The following ITGAE variants were observed in gnomAD, a reference collection of about 807,000 sequenced individuals.
The protein encoded by ITGAE is integrin subunit alpha E, also known as integrin alpha-E.
Under a neutral mutation model 136.5 loss-of-function variants are expected in ITGAE, and 99 were observed. That is an observed-to-expected ratio of 0.73 (90% CI 0.62 to 0.86). The LOEUF is 0.86. ITGAE is among the 40% of genes least tolerant of loss of function. The pLI, the probability that ITGAE is intolerant of heterozygous loss-of-function variation, is 0.00. For missense variants in ITGAE, 1,447 were observed against 1,515.3 expected (o/e 0.95, Z 0.75); for synonymous variants, 613 against 591.8 (o/e 1.04, Z -0.52).
At chr17:3,754,349 G>A (rs2051948490) in intron 12 of ITGAE, among the ~76,000 whole-genome samples, 1 of 152,234 alleles carries the variant, frequency 6.6e-6, no homozygotes, top group South Asian at 2.1e-4. Context: ...TTGGCTCATT[G>A]CAACCTCCCC....
Position 3,748,066 on chromosome 17 carries a change from C to A in ITGAE, c.2025-14G>T. Reference sequence around the variant, plus strand: ...ACAGGCCGGGAGCTAAACAAGACAGCAAAGAGGATGGGAGAAGTGACTGCT... The same window carrying A: ...ACAGGCCGGGAGCTAAACAAGACAGAAAAGAGGATGGGAGAAGTGACTGCT... On this transcript the variant is annotated splice_polypyrimidine_tract_variant and intron_variant, in intron 16 of 30. Transcript: ENST00000263087. 3 of 1,606,556 alleles carry A rather than the reference C, an allele frequency of 1.9e-6. No individual in the cohort carries two copies. The highest frequency in any genetic ancestry group is 2.6e-6 in the Non-Finnish European group (3 of 1,175,618).
Position 3,798,532 on chromosome 17 carries a change from T to C in ITGAE, c.34+2579A>G, listed in dbSNP as rs1209690202. 1.3e-5 allele frequency among the ~76,000 whole-genome samples: 2 copies of C among 152,066 alleles called. No homozygotes were observed. The highest frequency in any genetic ancestry group is 2.9e-5 in the Non-Finnish European group (2 of 67,990). ...CCTGTACTTGCCAAGGACCTCCCCG[T>C]CCTTCAGAGCCCACCTCAGATGCTA... On this transcript the variant is annotated intron_variant, in intron 1 of 30. Transcript: ENST00000263087. The surrounding 1 kb of genome is among the most constrained non-coding windows in gnomAD (Gnocchi z 4.3).
chr17:3,720,909 C>T (rs922885870), intron 28 of ITGAE, among the ~76,000 whole-genome samples: 7 of 151,774 alleles, frequency 4.6e-5, no homozygotes, highest in African/African-American at 7.3e-5. Flanking sequence ...TTCCCTTGTG[C>T]CATCCAAAGT....
At position 3,725,227 on chromosome 17, in the gene ITGAE, G is replaced by C. The variant is rs150659838; in HGVS notation, c.3085-1483C>G. 3 of 1,614,050 alleles carry C rather than the reference G, an allele frequency of 1.9e-6. No individual in the cohort carries two copies. The highest frequency in any genetic ancestry group is 3.3e-5 in the Admixed American group (2 of 60,006). On this transcript the variant is annotated intron_variant, in intron 26 of 30. Transcript: ENST00000263087. ...CGGCCTGTCATGAACAGAACAAGTG[G>C]TGCTCCGTCCTCTTGGCACTCCTCC...
At chr17:3,744,694 C>T (rs1473425215) in intron 18 of ITGAE, among the ~76,000 whole-genome samples, 3 of 152,168 alleles carry the variant, frequency 2.0e-5, no homozygotes, top group African/African-American at 7.2e-5. Context: ...GGTGATCCTC[C>T]CACCTCGGCC....
chr17:3,761,895 C>T lies in ITGAE; in HGVS notation c.315+20G>A, dbSNP rs1171758952. On this transcript the variant is annotated intron_variant, in intron 4 of 30. Transcript: ENST00000263087. Reference sequence around the variant, plus strand: ...CACCAGCCTCCCTAAGGCCCTCCCTCCTCTCGCTCCTGCACTCACCAAAAC... The same window carrying T: ...CACCAGCCTCCCTAAGGCCCTCCCTTCTCTCGCTCCTGCACTCACCAAAAC... 6.2e-7 allele frequency: 1 copy of T among 1,610,492 alleles called. No individual in the cohort carries two copies. The highest frequency in any genetic ancestry group is 1.7e-5 in the Admixed American group (1 of 59,898).
At chr17:3,795,460 T>C (rs897919131) in intron 1 of ITGAE, among the ~76,000 whole-genome samples, 1 of 152,238 alleles carries the variant, frequency 6.6e-6, no homozygotes, top group African/African-American at 2.4e-5. Context: ...CCTGTTGCCT[T>C]CCAGGCACCA....
At chr17:3,727,165 T>C (rs1382292157) in intron 26 of ITGAE, among the ~76,000 whole-genome samples, 3 of 152,012 alleles carry the variant, frequency 2.0e-5, no homozygotes, top group East Asian at 1.9e-4. Flanking sequence ...AGCCTGTTGC[T>C]TCAGGTATCA....
chr17:3,754,200 G>A (rs1271095588), intron 12 of ITGAE, among the ~76,000 whole-genome samples: 2 of 152,092 alleles, frequency 1.3e-5, no homozygotes, highest in African/African-American at 4.8e-5. Flanking sequence ...CACTACCCAC[G>A]CTCCCACACA....
chr17:3,749,951 G>A (rs767477637), intron 16 of ITGAE, among the ~76,000 whole-genome samples: 2 of 152,092 alleles, frequency 1.3e-5, no homozygotes, highest in Non-Finnish European at 2.9e-5. Flanking sequence ...GGGAGGCGGA[G>A]GTTGCAGTGA....
At chr17:3,721,665 C>T (rs2051053498) in intron 28 of ITGAE, 1 of 152,164 alleles carries the variant, frequency 6.6e-6, no homozygotes, top group African/African-American at 2.4e-5. Flanking sequence ...ACAAATGTCA[C>T]CTGGATCACT....
chr17:3,801,009 C>T, intron 1 of ITGAE, 102 bp downstream of exon 1: 1 of 1,356,260 alleles, frequency 7.4e-7, no homozygotes, highest in Non-Finnish European at 1.0e-6. Flanking sequence ...CTGGCTCTAA[C>T]TGAGCCCCAT....
intron 2 of ITGAE, among the ~76,000 whole-genome samples, chr17:3,765,163 C>T (rs2052265317): frequency 1.3e-5 from 2 of 151,750 alleles, no homozygotes; most frequent in African/African-American, 2.4e-5. Context: ...TCCTGGCTAA[C>T]ATGGTGAAAC....
At chr17:3,759,966 C>G (rs954901677) in intron 7 of ITGAE, among the ~76,000 whole-genome samples, 3 of 152,174 alleles carry the variant, frequency 2.0e-5, no homozygotes, top group African/African-American at 7.2e-5. Flanking sequence ...TAAGTGAGGT[C>G]ATCTTAGGCC....
At chr17:3,783,044 G>A (rs959526363) in intron 1 of ITGAE, among the ~76,000 whole-genome samples, 2 of 152,210 alleles carry the variant, frequency 1.3e-5, no homozygotes, top group Non-Finnish European at 1.5e-5. Flanking sequence ...AAGTCGATGA[G>A]CGCACAGCCT....
At chr17:3,761,215 G>A in intron 5 of ITGAE, 38 bp from the exon 6 acceptor site, 2 of 1,601,954 alleles carry the variant, frequency 1.2e-6, no homozygotes, top group African/African-American at 2.7e-5. Flanking sequence ...GAGTCAGAAA[G>A]GCTCCATCCT....
At chr17:3,724,574 C>G (rs753543661) in intron 26 of ITGAE, 3 of 1,614,192 alleles carry the variant, frequency 1.9e-6, no homozygotes, top group Admixed American at 3.3e-5. Flanking sequence ...TCTCCCTGGA[C>G]CGAGCATCTC....
rs906398970 is a variant in ITGAE at position 3,798,240 on chromosome 17, C to G, written c.34+2871G>C. On this transcript the variant is annotated intron_variant, in intron 1 of 30. Coordinates refer to ENST00000263087, the MANE Select transcript of ITGAE (RefSeq NM_002208.5). The surrounding 1 kb of genome is among the most constrained non-coding windows in gnomAD (Gnocchi z 4.3). ...CCTACCCCCGTGCTGTGACACCCTG[C>G]CGGGGCCGGGGAGGCTACTGTGTGC... is the stretch of plus-strand genomic sequence containing the variant. Among the ~76,000 whole-genome samples, 1 of 152,204 alleles carries G rather than the reference C, an allele frequency of 6.6e-6. No homozygotes were observed. Among genetic ancestry groups the G allele is most frequent in the African/African-American group, 2.4e-5 (1 of 41,458 alleles).
intron 1 of ITGAE, among the ~76,000 whole-genome samples, chr17:3,795,879 G>A (rs570931339): frequency 6.7e-5 from 10 of 150,354 alleles, no homozygotes; most frequent in Non-Finnish European, 1.3e-4. Context: ...ATCCGTGTGC[G>A]TGTGCATCCG....
Sources: gnomAD v4.1 joint callset for allele counts (sites outside exome capture counted in the v4.1 genomes callset) on GRCh38, gnomAD v4.1.1 for gene constraint, Gnocchi (gnomAD v3.1) non-coding constraint, MANE v1.5 for transcripts, NCBI Gene and HGNC (gene_info 2026-07-23, HGNC 2026-07-21) for gene names.